ACBD6: variants seen among roughly 807,000 people sequenced by gnomAD.
ACBD6 encodes the protein acyl-CoA-binding domain-containing protein 6.
In ACBD6, 28 loss-of-function variants were observed where a neutral mutation model predicts 37.2. That is an observed-to-expected ratio of 0.75 (90% CI 0.56 to 1.03). The LOEUF (loss-of-function observed/expected upper bound fraction) is 1.03. Ranked by LOEUF, ACBD6 falls within the 50% of genes least tolerant of loss-of-function variation. ACBD6 has a pLI of 0.00. For synonymous variants in ACBD6, 113 were observed against 126.8 expected, an observed-to-expected ratio of 0.89 and a Z score of 0.73; for missense variants, 340 against 337.4, an observed-to-expected ratio of 1.01 and a Z score of -0.06.
At chr1:180,277,703 C>G (rs1571306794) in intron 9 of ACBD6, 1 of 152,192 alleles carries the variant, frequency 6.6e-6, no homozygotes, top group African/African-American at 2.4e-5. Context: ...AAATTCCTCT[C>G]AGTCTTTGTG....
At chr1:180,486,101 T>TGG (rs1442494971) in intron 3 of ACBD6, among the ~76,000 whole-genome samples, 1 of 152,138 alleles carries the variant, frequency 6.6e-6, no homozygotes, top group Non-Finnish European at 1.5e-5. Flanking sequence ...GCCCTGACCA[T>TGG]TCTTTACCTG....
chr1:180,458,673 A>G (rs1421112385), intron 3 of ACBD6, among the ~76,000 whole-genome samples: 1 of 152,192 alleles, frequency 6.6e-6, no homozygotes, highest in Non-Finnish European at 1.5e-5. Context: ...AAAAAGGCAT[A>G]ATAAATCCAC....
At chr1:180,434,321 T>C (rs915341009) in intron 3 of ACBD6, among the ~76,000 whole-genome samples, 2 of 152,138 alleles carry the variant, frequency 1.3e-5, no homozygotes, top group African/African-American at 4.8e-5. Context: ...GAAATCAAAA[T>C]ATCTTATCCC....
intron 3 of ACBD6, among the ~76,000 whole-genome samples, chr1:180,455,965 AAAGGTGAGGCC>A (rs549768234): frequency 4.3e-4 from 66 of 152,190 alleles, no homozygotes; most frequent in South Asian, 4.1e-3. Flanking sequence ...CAAAAGTAAA[AAAGGTGAGGCC>A]AAGGCGGGCG....
At chr1:180,288,591 G>C (rs1211352876) in intron 7 of ACBD6, 74 bp from the exon 8 acceptor site, 2 of 1,510,610 alleles carry the variant, frequency 1.3e-6, no homozygotes, top group Non-Finnish European at 1.8e-6. Flanking sequence ...CAGCAGGAAA[G>C]GAAAGTGCTG....
At chr1:180,347,742 C>T (rs979035252) in intron 6 of ACBD6, among the ~76,000 whole-genome samples, 4 of 151,978 alleles carry the variant, frequency 2.6e-5, no homozygotes, top group Non-Finnish European at 5.9e-5. Context: ...GAGGCTGAGG[C>T]GGGTGGATCA....
rs981670209 is a variant in ACBD6, at chr1:180,497,798, T to G, written c.223-2273A>C. ...TCCAGTCTACTGCAATATGTTGTTT[T>G]GGTTGAAGTATATGAAGAAAATTCG... On this transcript the variant is annotated intron_variant, in intron 1 of 7. Coordinates refer to ENST00000367595, the MANE Select transcript of ACBD6 (RefSeq NM_032360.4). Among the ~76,000 whole-genome samples, 3 of 152,218 alleles carry G rather than the reference T, an allele frequency of 2.0e-5. No homozygotes were observed. The East Asian group carries it at 5.8e-4, about 29-fold the overall frequency.
chr1:180,350,487 G>T (rs1043571907), intron 6 of ACBD6, among the ~76,000 whole-genome samples: 15 of 152,056 alleles, frequency 9.9e-5, no homozygotes, highest in African/African-American at 3.6e-4. Flanking sequence ...TAATACAAGG[G>T]TATCTTCACT....
chr1:180,421,681 A>C (rs1648369859), intron 4 of ACBD6, among the ~76,000 whole-genome samples: 2 of 152,036 alleles, frequency 1.3e-5, no homozygotes, highest in Non-Finnish European at 2.9e-5. Context: ...TTGACTTTTT[A>C]ATAACAGCCA....
At chr1:180,475,891 G>C (rs6697924) in intron 3 of ACBD6, among the ~76,000 whole-genome samples, 73,910 of 152,006 alleles carry the variant, frequency 0.49, 20,771 homozygotes, top group South Asian at 0.66. Flanking sequence ...AGAGTTGGTG[G>C]GGCACTTTTC....
chr1:180,411,590 T>C (rs1647857835), intron 5 of ACBD6, among the ~76,000 whole-genome samples: 1 of 152,194 alleles, frequency 6.6e-6, no homozygotes, highest in African/African-American at 2.4e-5. Flanking sequence ...GTATTTTAAA[T>C]TAAGGTATGT....
chr1:180,272,937 C>T (rs1648772515), intron 12 of ACBD6: 1 of 152,328 alleles, frequency 6.6e-6, no homozygotes, highest in African/African-American at 2.4e-5. Flanking sequence ...GTGTGGCTCC[C>T]GCAGAGGGCC....
intron 3 of ACBD6, among the ~76,000 whole-genome samples, chr1:180,451,515 C>T (rs1184766384): frequency 6.6e-6 from 1 of 152,104 alleles, no homozygotes; most frequent in African/African-American, 2.4e-5. Flanking sequence ...CAAAATGTGG[C>T]ATATCCATAC....
At position 180,290,769 on chromosome 1, in the gene ACBD6, T is replaced by C. The variant is rs764667899; in HGVS notation, c.695-2252A>G. Among the ~76,000 whole-genome samples, 325 of 152,306 alleles carry C rather than the reference T, an allele frequency of 2.1e-3. 1 individual carries two copies. Among genetic ancestry groups the C allele is most frequent in the Non-Finnish European group, 4.0e-3 (269 of 68,028 alleles). On this transcript the variant is annotated intron_variant, in intron 7 of 7. Coordinates refer to ENST00000367595, the MANE Select transcript of ACBD6 (RefSeq NM_032360.4). ...TGCGAAAATACCACTAGGAGAGGCATGACAAGGAATGCTGGAGAACTGTCT... is the reference window on the plus strand; with the variant it reads ...TGCGAAAATACCACTAGGAGAGGCACGACAAGGAATGCTGGAGAACTGTCT...
intron 6 of ACBD6, among the ~76,000 whole-genome samples, chr1:180,382,114 C>CA (rs59973107): frequency 0.086 from 9,656 of 111,970 alleles, 451 homozygotes; most frequent in South Asian, 0.12. Flanking sequence ...GACTGCATCT[C>CA]AAAAAAAAAA....
Position 180,288,275 on chromosome 1 carries a change from A to G in ACBD6, c.*88T>C, listed in dbSNP as rs1184133406. ...TTTTATTAGCCAATACATACCAAAGACGGGTGGAAAAGAAGTATTATTTTT... is the reference window on the plus strand; with the variant it reads ...TTTTATTAGCCAATACATACCAAAGGCGGGTGGAAAAGAAGTATTATTTTT... On this transcript the variant is annotated 3_prime_UTR_variant, in exon 8 of 8. Coordinates refer to ENST00000367595, the MANE Select transcript of ACBD6 (RefSeq NM_032360.4). 1.3e-6 allele frequency: 2 copies of G among 1,572,794 alleles called. No homozygotes were observed. Among genetic ancestry groups the G allele is most frequent in the Admixed American group, 1.7e-5 (1 of 58,000 alleles).
chr1:180,490,893 G>A (rs1651471557), intron 3 of ACBD6, among the ~76,000 whole-genome samples: 1 of 149,462 alleles, frequency 6.7e-6, no homozygotes, highest in South Asian at 2.1e-4. Context: ...GGGAGGTGGA[G>A]GTTACGTTGA....
intron 2 of ACBD6, among the ~76,000 whole-genome samples, chr1:180,494,015 T>C (rs974022920): frequency 6.6e-6 from 1 of 152,224 alleles, no homozygotes; most frequent in East Asian, 1.9e-4. Flanking sequence ...GTGATGTTAG[T>C]CTGTCCCATC....
At chr1:180,444,887 A>G (rs1649420354) in intron 3 of ACBD6, among the ~76,000 whole-genome samples, 1 of 152,222 alleles carries the variant, frequency 6.6e-6, no homozygotes, top group South Asian at 2.1e-4. Context: ...TCAGTTTTAG[A>G]GTCAAGATTT....
Sources: gnomAD v4.1 joint callset for allele counts (sites outside exome capture counted in the v4.1 genomes callset) on GRCh38, gnomAD v4.1.1 for gene constraint, MANE v1.5 for transcripts, NCBI Gene and HGNC (gene_info 2026-07-23, HGNC 2026-07-21) for gene names.